Variants in VMA22 observed in about 807,000 individuals in gnomAD.
VMA22 encodes the protein vacuolar ATPase assembly factor VMA22.
the VMA22 span, chr2:130,340,949 A>C: frequency 1.9e-6 from 3 of 1,613,946 alleles, no homozygotes; most frequent in Non-Finnish European, 2.5e-6. Context: ...ACTGTGAGGA[A>C]CTAGGATTCC....
the VMA22 span, chr2:130,340,893 A>G: frequency 6.2e-7 from 1 of 1,613,962 alleles, no homozygotes; most frequent in South Asian, 1.1e-5. Context: ...GAGCCAAACA[A>G]CACGGTCCAC....
At chr2:130,341,718 C>A in the VMA22 span, 1 of 1,611,682 alleles carries the variant, frequency 6.2e-7, no homozygotes, top group Non-Finnish European at 8.5e-7. Flanking sequence ...GCTCTCACCA[C>A]CTTGAACTTC....
the VMA22 span, chr2:130,342,096 C>G: frequency 6.2e-7 from 1 of 1,613,828 alleles, no homozygotes; most frequent in Non-Finnish European, 8.5e-7. Context: ...CCAGCGAATC[C>G]AGCTCCGCTC....
At chr2:130,342,253 A>C in the VMA22 span, 9 of 1,537,328 alleles carry the variant, frequency 5.9e-6, no homozygotes, top group Non-Finnish European at 7.9e-6. Context: ...CGCCGGCAGC[A>C]CCAAGGCCTC....
chr2:130,342,351 G>A, the VMA22 span: 1,361 of 760,270 alleles, frequency 1.8e-3, 10 homozygotes, highest in African/African-American at 0.02. Flanking sequence ...CCCCCAAGTG[G>A]ATCAGCCTGC....
At chr2:130,342,099 C>T in the VMA22 span, 9 of 1,613,734 alleles carry the variant, frequency 5.6e-6, no homozygotes, top group African/African-American at 1.1e-4. Flanking sequence ...GCGAATCCAG[C>T]TCCGCTCGCA....
chr2:130,339,834 C>A, the VMA22 span: 1 of 1,278,970 alleles, frequency 7.8e-7, no homozygotes, highest in South Asian at 1.3e-5. Flanking sequence ...CCCGTCCATA[C>A]TCCCCAGGCC....
chr2:130,339,762 C>G, the VMA22 span: 1 of 1,303,938 alleles, frequency 7.7e-7, no homozygotes, highest in Non-Finnish European at 1.0e-6. Flanking sequence ...CTCCAGGACA[C>G]CTGCCCCCAG....
chr2:130,338,385 T>C, the VMA22 span: 2 of 152,222 alleles, frequency 1.3e-5, no homozygotes, highest in Non-Finnish European at 2.9e-5. Context: ...ACATCTCATA[T>C]ATATGGACAA....
the VMA22 span, chr2:130,342,624 C>T: frequency 2.5e-5 from 12 of 475,438 alleles, no homozygotes; most frequent in Non-Finnish European, 4.5e-5. Context: ...GCATTCTGCA[C>T]GGCGGTGGTG....
At chr2:130,341,009 G>T in the VMA22 span, 5 of 1,612,184 alleles carry the variant, frequency 3.1e-6, no homozygotes, top group Non-Finnish European at 4.2e-6. Context: ...CGGTTCTGGG[G>T]TCTTAGTGGG....
chr2:130,338,725 C>T, the VMA22 span: 1 of 178,644 alleles, frequency 5.6e-6, no homozygotes, highest in Non-Finnish European at 1.2e-5. Flanking sequence ...TTTTCTCCTC[C>T]AGCAAAGACA....
At chr2:130,342,286 A>G in the VMA22 span, 1 of 1,398,344 alleles carries the variant, frequency 7.2e-7, no homozygotes, top group Non-Finnish European at 9.7e-7. Context: ...TTTAAGGGCA[A>G]GCGCCCTTAG....
chr2:130,342,630 T>G, the VMA22 span: 1 of 477,710 alleles, frequency 2.1e-6, no homozygotes, highest in Admixed American at 3.6e-5. Context: ...TGCACGGCGG[T>G]GGTGGGGGGA....
chr2:130,340,910 T>C, the VMA22 span: 1 of 1,613,904 alleles, frequency 6.2e-7, no homozygotes, highest in African/African-American at 1.3e-5. Context: ...CCACTCACCA[T>C]CCCGGAAGCT....
At chr2:130,339,152 T>C in the VMA22 span, 1 of 1,614,118 alleles carries the variant, frequency 6.2e-7, no homozygotes, top group Non-Finnish European at 8.5e-7. Flanking sequence ...TGCTTGAGTT[T>C]CTCTTGGAGT....
chr2:130,340,794 G>A, the VMA22 span: 1 of 1,339,062 alleles, frequency 7.5e-7, no homozygotes, highest in Admixed American at 1.8e-5. Context: ...TTTGGATGGA[G>A]GAAAACCTGC....
At chr2:130,341,804 C>T in the VMA22 span, 1 of 559,654 alleles carries the variant, frequency 1.8e-6, no homozygotes, top group Non-Finnish European at 3.1e-6. Flanking sequence ...AGAACGCGCC[C>T]GCCCGCCCAC....
At chr2:130,340,027 C>T in the VMA22 span, 4 of 288,356 alleles carry the variant, frequency 1.4e-5, no homozygotes, top group Non-Finnish European at 2.7e-5. Flanking sequence ...GTGGATACCA[C>T]ACAGACCACA....
Sources: allele counts gnomAD v4.1 joint callset, GRCh38; gene constraint gnomAD v4.1.1; transcripts MANE v1.5; gene names NCBI Gene and HGNC (gene_info 2026-07-23, HGNC 2026-07-21).